Variants in CSMD3 observed in about 807,000 individuals in gnomAD.
CSMD3 encodes CUB and Sushi multiple domains 3.
In CSMD3, 177 loss-of-function variants were observed where a neutral mutation model predicts 435.2. The ratio of observed to expected loss-of-function variants is 0.41; its 90% CI spans 0.36 to 0.46. CSMD3 has a LOEUF of 0.46. Ranked by LOEUF, CSMD3 falls within the 20% of genes least tolerant of loss-of-function variation. The probability of loss-of-function intolerance (pLI) is 0.34; values close to 1 mark genes in which losing one functional copy is unlikely to be tolerated. For synonymous variants in CSMD3, 1,656 were observed against 1,520.5 expected (o/e 1.09, Z -2.07); for missense variants, 4,265 against 4,504.6 (o/e 0.95, Z 1.52).
intron 13 of CSMD3, among the ~76,000 whole-genome samples, chr8:112,761,302 G>C (rs1012985791): frequency 3.3e-5 from 5 of 152,038 alleles, no homozygotes; most frequent in Non-Finnish European, 5.9e-5. Flanking sequence ...AGTTTGGTTT[G>C]AAATACACTG....
intron 19 of CSMD3, among the ~76,000 whole-genome samples, chr8:112,647,901 G>A (rs368325060): frequency 1.3e-5 from 2 of 152,102 alleles, no homozygotes; most frequent in Admixed American, 6.5e-5. Flanking sequence ...AAGAGAAAAT[G>A]ACTTAAAATA....
chr8:112,613,288 CATTTTTTTGGTT>C (rs1833404973), intron 22 of CSMD3, among the ~76,000 whole-genome samples: 1 of 151,946 alleles, frequency 6.6e-6, no homozygotes, highest in Non-Finnish European at 1.5e-5. Flanking sequence ...TTTTTGTTTT[CATTTTTTTGGTT>C]TGCTTGCTTA....
chr8:112,487,130 T>A (rs1042694789), intron 31 of CSMD3, among the ~76,000 whole-genome samples: 1 of 152,212 alleles, frequency 6.6e-6, no homozygotes, highest in Non-Finnish European at 1.5e-5. Context: ...TTTAATGATT[T>A]ACATTTGAAA....
chr8:113,107,375 G>T (rs1283625495), intron 4 of CSMD3, among the ~76,000 whole-genome samples: 4 of 152,188 alleles, frequency 2.6e-5, no homozygotes, highest in Admixed American at 2.6e-4. Flanking sequence ...CAAAAGTGCT[G>T]GGATTACAGG....
intron 5 of CSMD3, among the ~76,000 whole-genome samples, chr8:113,087,005 G>C (rs1281410771): frequency 6.6e-6 from 1 of 152,072 alleles, no homozygotes; most frequent in Non-Finnish European, 1.5e-5. Context: ...GAACCGCATC[G>C]CATAGCAAAT....
chr8:113,230,590 C>A (rs1337451642), intron 3 of CSMD3, among the ~76,000 whole-genome samples: 1 of 151,520 alleles, frequency 6.6e-6, no homozygotes, highest in South Asian at 2.1e-4. Flanking sequence ...CTCCCACTTA[C>A]AGAGTACTTA....
At chr8:113,342,665 T>C (rs1425306876) in intron 1 of CSMD3, among the ~76,000 whole-genome samples, 1 of 152,128 alleles carries the variant, frequency 6.6e-6, no homozygotes, top group African/African-American at 2.4e-5. Context: ...TTCTCAGGCA[T>C]ATTAAGTTTG....
chr8:113,392,759 A>G (rs2133161455), intron 1 of CSMD3, among the ~76,000 whole-genome samples: 1 of 152,188 alleles, frequency 6.6e-6, no homozygotes, highest in Non-Finnish European at 1.5e-5. Context: ...TGAATCTAAT[A>G]TTTTATGTTA....
intron 22 of CSMD3, among the ~76,000 whole-genome samples, chr8:112,617,321 C>A (rs978880266): frequency 1.3e-5 from 2 of 152,096 alleles, no homozygotes; most frequent in Non-Finnish European, 2.9e-5. Context: ...AAAATATTGG[C>A]AATCTGTGGT....
chr8:113,009,360 C>G (rs907670454), intron 6 of CSMD3, among the ~76,000 whole-genome samples: 14 of 151,870 alleles, frequency 9.2e-5, no homozygotes, highest in African/African-American at 3.1e-4. Context: ...TATTCAGGTT[C>G]ACAGACTGAA....
intron 38 of CSMD3, among the ~76,000 whole-genome samples, chr8:112,377,951 C>T (rs754650198): frequency 6.6e-6 from 1 of 151,928 alleles, no homozygotes; most frequent in Non-Finnish European, 1.5e-5. Context: ...GTAAAGATAT[C>T]CACTCTCTCC....
chr8:112,302,831 A>C (rs919907980), intron 52 of CSMD3, among the ~76,000 whole-genome samples: 4 of 151,494 alleles, frequency 2.6e-5, no homozygotes, highest in Admixed American at 2.6e-4. Context: ...AAATCATTTG[A>C]GGTCGCTATT....
At chr8:113,422,739 T>TAAGAGAGAG (rs2094614586) in intron 1 of CSMD3, among the ~76,000 whole-genome samples, 1 of 152,060 alleles carries the variant, frequency 6.6e-6, no homozygotes. Flanking sequence ...CCACAGAGTG[T>TAAGAGAGAG]AAGAGAGAGA....
In CSMD3 at chr8:112,506,781, G is replaced by T. The variant is rs1822574192; in HGVS notation, c.4805C>A (p.Pro1602Gln). 1 of 1,613,404 alleles carries T rather than the reference G, an allele frequency of 6.2e-7. No homozygotes were observed. Among genetic ancestry groups the T allele is most frequent in the South Asian group, 1.1e-5 (1 of 91,080 alleles). The change falls in exon 29 of 71, where the codon CCA becomes CAA. Residue 1602 changes from proline to glutamine, a missense_variant. By Grantham distance (76) the Pro-to-Gln change is moderately conservative. This residue lies in a region of CSMD3 where 3,255 missense variants were observed against 3,380.2 expected (regional missense o/e 0.96). Coordinates refer to ENST00000297405, the MANE Select transcript of CSMD3 (RefSeq NM_198123.2). ...LTGSSGFILS[P>Q]NFPHPYPHSR... Reference sequence around the variant, plus strand: ...ATGCGGATATGGATGAGGGAAGTTTGGTGAAAGAATAAAGCCTGAAGATCC... The same window carrying T: ...ATGCGGATATGGATGAGGGAAGTTTTGTGAAAGAATAAAGCCTGAAGATCC...
chr8:113,293,767 G>T (rs2093701520), intron 2 of CSMD3, among the ~76,000 whole-genome samples: 1 of 151,866 alleles, frequency 6.6e-6, no homozygotes, highest in Admixed American at 6.6e-5. Flanking sequence ...GTTTGAAACA[G>T]AAATTAAAGA....
chr8:112,507,697 G>A (rs1250704995), intron 28 of CSMD3, among the ~76,000 whole-genome samples: 2 of 152,156 alleles, frequency 1.3e-5, no homozygotes, highest in African/African-American at 4.8e-5. Context: ...AACTGGTTTT[G>A]TAAGGAAGAG....
intron 7 of CSMD3, among the ~76,000 whole-genome samples, chr8:112,963,311 A>G (rs1265877941): frequency 6.6e-6 from 1 of 151,966 alleles, no homozygotes; most frequent in Non-Finnish European, 1.5e-5. Context: ...ACATTCACTC[A>G]TTCGGAAATA....
At chr8:112,924,838 A>C (rs1427730881) in intron 9 of CSMD3, among the ~76,000 whole-genome samples, 4 of 152,002 alleles carry the variant, frequency 2.6e-5, no homozygotes, top group African/African-American at 4.8e-5. Flanking sequence ...TTTGCCCTAA[A>C]CTTCAGCTTT....
chr8:112,897,690 CTCTCTGTG>C (rs1436986984), intron 10 of CSMD3, among the ~76,000 whole-genome samples: 3,436 of 124,994 alleles, frequency 0.027, 96 homozygotes, highest in Admixed American at 0.099. Flanking sequence ...CTCTCTCTCT[CTCTCTGTG>C]TGTGTGTGTG....
Sources: gnomAD v4.1 joint callset for allele counts (sites outside exome capture counted in the v4.1 genomes callset) on GRCh38, gnomAD v4.1.1 for gene constraint, gnomAD v4.1.1 regional missense constraint, MANE v1.5 for transcripts, NCBI Gene and HGNC (gene_info 2026-07-23, HGNC 2026-07-21) for gene names.